Variants in PLXNC1 observed in about 807,000 individuals in gnomAD.
PLXNC1 encodes the protein plexin-C1.
PLXNC1 carries 75 observed loss-of-function variants against 178.2 expected under a neutral mutation model. That is an observed-to-expected ratio of 0.42 (90% confidence interval 0.35 to 0.51). The LOEUF (loss-of-function observed/expected upper bound fraction) is 0.51, where lower values mean the gene tolerates loss of function less well. PLXNC1 is among the 20% of genes least tolerant of loss of function. PLXNC1 has a pLI of 0.02. For missense variants in PLXNC1, 1,503 were observed against 1,984.4 expected (o/e 0.76, Z 4.61); for synonymous variants, 790 against 779.9 (o/e 1.01, Z -0.22).
Position 94,199,305 on chromosome 12 carries a change from G to A in PLXNC1, c.1440-10285G>A, listed in dbSNP as rs115559432. ...CAGATCTCAAGCTTGACGTCTGTGC[G>A]GTGACACTTCTTTATGGTCCAGTGA... On this transcript the variant is annotated intron_variant, in intron 4 of 30. Transcript: ENST00000258526. Among the ~76,000 whole-genome samples the A allele has an allele frequency of 4.4e-3, 673 of 152,026 alleles. 6 individuals carry two copies. The highest frequency in any genetic ancestry group is 0.016 in the African/African-American group (644 of 41,438).
intron 27 of PLXNC1, among the ~76,000 whole-genome samples, chr12:94,300,397 T>TGAGG (rs1043806209): frequency 6.6e-6 from 1 of 152,080 alleles, no homozygotes; most frequent in African/African-American, 2.4e-5. Context: ...GCACAAGTTG[T>TGAGG]GAGGCACGTG....
chr12:94,278,373 G>A (rs1270334592), intron 21 of PLXNC1, among the ~76,000 whole-genome samples: 1 of 152,166 alleles, frequency 6.6e-6, no homozygotes, highest in Admixed American at 6.5e-5. Context: ...GTAAAACTTT[G>A]TTGTTTTAGA....
rs1969060589 is a variant in PLXNC1, at chr12:94,306,730, T to TAATACAGAAGCAA, written c.*1447_*1448insTACAGAAGCAAAA. 6.6e-6 allele frequency: 1 copy of TAATACAGAAGCAA among 152,148 alleles called. No homozygotes were observed. The highest frequency in any genetic ancestry group is 2.1e-4 in the South Asian group (1 of 4,830). 9.4% of individuals were successfully genotyped at this position (152,148 alleles called of 1,614,324 possible). A position where few individuals can be genotyped will look rare whatever the true frequency, so the allele number is the denominator to read the frequency against. ...TTAGGATTTAAATATGAATTTGTCTTAAAGGCAATTCCTTTTTGCTTCTGT... is the reference window on the plus strand; with the variant it reads ...TTAGGATTTAAATATGAATTTGTCTTAATACAGAAGCAAAAAGGCAATTCCTTTTTGCTTCTGT... On this transcript the variant is annotated 3_prime_UTR_variant, in exon 31 of 31. Transcript: ENST00000258526.
At chr12:94,268,290 A>C (rs1348553761) in intron 21 of PLXNC1, among the ~76,000 whole-genome samples, 1 of 152,236 alleles carries the variant, frequency 6.6e-6, no homozygotes, top group Non-Finnish European at 1.5e-5. Context: ...CATGACACTA[A>C]CAAAGAGGCC....
In PLXNC1 at chr12:94,279,641, T is replaced by C; in HGVS notation, c.3767T>C (p.Ile1256Thr). 6.2e-7 allele frequency: 1 copy of C among 1,614,134 alleles called. No individual in the cohort carries two copies. The highest frequency in any genetic ancestry group is 1.1e-5 in the South Asian group (1 of 91,084). ...CCTTATGGACTTCAGCTTAATGAAATTGGTCTTGGTAAGGCGGTGCGGGAG... is the reference window on the plus strand; with the variant it reads ...CCTTATGGACTTCAGCTTAATGAAACTGGTCTTGGTAAGGCGGTGCGGGAG... ...GSPYGLQLNEIGLELQMGTRQ... is the reference protein window; with the variant it reads ...GSPYGLQLNETGLELQMGTRQ... Residue 1256 changes from isoleucine (I) to threonine (T), a missense_variant, in exon 22 of 31, where the codon ATT (isoleucine) becomes ACT (threonine). By Grantham distance (89) the Ile-to-Thr change is moderately conservative. Transcript: ENST00000258526.
chr12:94,233,913 G>A lies in PLXNC1; in HGVS notation c.1981-3751G>A, dbSNP rs377251377. ...ATTAATAAAGATGTTAAATAATCCT[G>A]AACCGAATACTCACTCCTGTAGGGC... On this transcript the variant is annotated intron_variant, in intron 9 of 30. Coordinates refer to ENST00000258526, the MANE Select transcript of PLXNC1 (RefSeq NM_005761.3). Among the ~76,000 whole-genome samples, 227 of 151,964 alleles carry A rather than the reference G, an allele frequency of 1.5e-3. 1 individual carries two copies. The highest frequency in any genetic ancestry group is 5.4e-3 in the African/African-American group (224 of 41,418).
intron 21 of PLXNC1, among the ~76,000 whole-genome samples, chr12:94,268,843 C>T (rs1312336462): frequency 6.6e-6 from 1 of 152,056 alleles, no homozygotes; most frequent in African/African-American, 2.4e-5. Flanking sequence ...GATCCACCTG[C>T]CTTGTCCTCC....
intron 9 of PLXNC1, among the ~76,000 whole-genome samples, chr12:94,234,497 T>A (rs1565822721): frequency 6.6e-6 from 1 of 152,246 alleles, no homozygotes; most frequent in Non-Finnish European, 1.5e-5. Flanking sequence ...CTCATAGTAG[T>A]TTATTAAATA....
chr12:94,296,586 CATT>C (rs1357978432), intron 24 of PLXNC1, among the ~76,000 whole-genome samples: 5 of 152,226 alleles, frequency 3.3e-5, no homozygotes, highest in Non-Finnish European at 7.3e-5. Flanking sequence ...AGCACCACCT[CATT>C]GTCCTTTGAG....
chr12:94,259,259 A>G (rs1317945108), intron 17 of PLXNC1, 78 bp from the exon 18 acceptor site: 2 of 1,062,242 alleles, frequency 1.9e-6, no homozygotes, highest in African/African-American at 3.2e-5. Flanking sequence ...ATTAAAACGG[A>G]CTTGGGTATT....
intron 1 of PLXNC1, among the ~76,000 whole-genome samples, chr12:94,153,647 C>T (rs1384130140): frequency 2.3e-4 from 35 of 152,142 alleles, no homozygotes; most frequent in Admixed American, 2.3e-3. Context: ...ATGGCAGCCA[C>T]CCCTCGGTAG....
In PLXNC1 at chr12:94,149,504, C is replaced by T. The variant is rs904406633; in HGVS notation, c.533C>T (p.Ala178Val). 4.6e-6 allele frequency: 7 copies of T among 1,532,548 alleles called. No individual in the cohort carries two copies. The highest frequency in any genetic ancestry group is 4.1e-5 in the African/African-American group (3 of 72,626). 94.9% of individuals were successfully genotyped at this position (1,532,548 alleles called of 1,614,324 possible). A position where few individuals can be genotyped will look rare whatever the true frequency, so the allele number is the denominator to read the frequency against. The change falls in exon 1 of 31, where the codon GCG becomes GTG. Residue 178 changes from alanine to valine, a missense_variant. Physicochemically the swap from Ala to Val is moderately conservative, Grantham distance 64 (BLOSUM62 0). Coordinates refer to ENST00000258526, the MANE Select transcript of PLXNC1 (RefSeq NM_005761.3). ...RAGRNNRWYLAVAATYVLPEP... is the reference protein window; with the variant it reads ...RAGRNNRWYLVVAATYVLPEP... Reference sequence around the variant, plus strand: ...GGCCGGAACAACCGCTGGTACCTGGCGGTGGCCGCCACCTACGTGCTGCCT... The same window carrying T: ...GGCCGGAACAACCGCTGGTACCTGGTGGTGGCCGCCACCTACGTGCTGCCT...
chr12:94,229,232 T>C (rs1964026331), intron 9 of PLXNC1, among the ~76,000 whole-genome samples: 1 of 152,228 alleles, frequency 6.6e-6, no homozygotes, highest in South Asian at 2.1e-4. Flanking sequence ...TCAAGTCCTT[T>C]GCCCATTTTT....
At chr12:94,178,634 C>T (rs2135956119) in intron 2 of PLXNC1, among the ~76,000 whole-genome samples, 1 of 152,318 alleles carries the variant, frequency 6.6e-6, no homozygotes, top group African/African-American at 2.4e-5. Context: ...TTCTGTAGAG[C>T]AGTGTTGGCC....
At chr12:94,171,188 G>A (rs969969951) in intron 2 of PLXNC1, among the ~76,000 whole-genome samples, 2 of 152,204 alleles carry the variant, frequency 1.3e-5, no homozygotes, top group South Asian at 2.1e-4. Flanking sequence ...AGCTTTTAGC[G>A]ATGTTGTGGC....
chr12:94,224,771 G>A (rs1963893081), intron 7 of PLXNC1, among the ~76,000 whole-genome samples: 1 of 152,176 alleles, frequency 6.6e-6, no homozygotes, highest in East Asian at 1.9e-4. Flanking sequence ...GCCAAGCATG[G>A]TGGTATGTGC....
intron 1 of PLXNC1, among the ~76,000 whole-genome samples, chr12:94,160,464 C>A (rs1050137799): frequency 1.3e-5 from 2 of 152,176 alleles, no homozygotes; most frequent in Non-Finnish European, 1.5e-5. Context: ...CCTGTCTCCC[C>A]GCAACCTGAC....
intron 26 of PLXNC1, 40 bp downstream of exon 26, chr12:94,297,463 G>C (rs377271797): frequency 1.5e-6 from 2 of 1,342,694 alleles, no homozygotes; most frequent in South Asian, 1.2e-5. Flanking sequence ...GGCTACCTAG[G>C]GGGTGTATGA....
chr12:94,274,557 G>A (rs1965798602), intron 21 of PLXNC1, among the ~76,000 whole-genome samples: 1 of 152,178 alleles, frequency 6.6e-6, no homozygotes, highest in Non-Finnish European at 1.5e-5. Flanking sequence ...TTCCTGCCAA[G>A]GAAATAGGAA....
Sources: allele counts gnomAD v4.1 joint callset (sites outside exome capture counted in the v4.1 genomes callset), GRCh38; gene constraint gnomAD v4.1.1; transcripts MANE v1.5; gene names NCBI Gene and HGNC (gene_info 2026-07-23, HGNC 2026-07-21).